Variants in EMC10 observed in about 807,000 individuals in gnomAD.
EMC10 encodes UPF0510 protein INM02.
EMC10 carries 40 observed loss-of-function variants against 32.2 expected under a neutral mutation model. That is an observed-to-expected ratio of 1.24 (90% confidence interval 0.96 to 1.61). EMC10 has a LOEUF of 1.61. EMC10 is among the 40% of genes most tolerant of loss of function. The pLI is 0.00. For synonymous variants in EMC10, 178 were observed against 158.4 expected (o/e 1.12, Z -0.93); for missense variants, 402 against 357.7 (o/e 1.12, Z -1.00).
At position 50,476,592 on chromosome 19, in the gene EMC10, G is replaced by T. The variant is rs757598347; in HGVS notation, c.48G>T (p.Leu16=). 10 of 1,574,050 alleles carry T rather than the reference G, an allele frequency of 6.4e-6. No homozygotes were observed. The Admixed American group carries it at 1.8e-4, about 28-fold the overall frequency. ...AGATRLLLLL[L]MAVAAPSRAR... is the part of the protein sequence containing the mutation. ...CAACCCGGCTGCTCCTGCTCTTGCT[G>T]ATGGCGGTAGCAGCGCCCAGTCGAG... The change falls in exon 1 of 7, where the codon CTG becomes CTT. Residue 16 remains leucine, a synonymous_variant. Coordinates refer to ENST00000334976, the MANE Select transcript of EMC10 (RefSeq NM_206538.4).
chr19:50,481,701 A>G, intron 6 of EMC10: 2 of 620,668 alleles, frequency 3.2e-6, no homozygotes, highest in Non-Finnish European at 2.7e-6. Context: ...CTCCGCCTGG[A>G]TAGTCCAACA....
chr19:50,481,160 G>A (rs545266055), intron 6 of EMC10, 183 bp downstream of exon 6: 109 of 575,012 alleles, frequency 1.9e-4, no homozygotes, highest in African/African-American at 1.9e-3. Flanking sequence ...TGGAAGTGTG[G>A]TCAGGGGAGG....
At position 50,486,144 on chromosome 19, in the gene EMC10, C is replaced by T. The variant is rs181433533; in HGVS notation, c.*3885C>T. On this transcript the variant is annotated 3_prime_UTR_variant, in exon 7 of 7. Transcript: ENST00000334976. The stretch of plus-strand genomic sequence containing the variant: ...TATTTTGTAAAATTCTTTACTAACC[C>T]CAAATTGTCTACTGGAAACTATAGG... The T allele has an allele frequency of 3.9e-5, 6 of 152,218 alleles. No homozygotes were observed. The highest frequency in any genetic ancestry group is 3.9e-4 in the Admixed American group (6 of 15,280). 9.4% of individuals were successfully genotyped at this position (152,218 alleles called of 1,614,324 possible). A position where few individuals can be genotyped will look rare whatever the true frequency, so the allele number is the denominator to read the frequency against.
chr19:50,480,342 C>T lies in EMC10; in HGVS notation c.402+127C>T, dbSNP rs1296406908. On this transcript the variant is annotated intron_variant, in intron 4 of 6. Transcript: ENST00000334976. The surrounding 1 kb of genome is among the most constrained non-coding windows in gnomAD (Gnocchi z 4.4). Reference sequence around the variant, plus strand: ...AGAGGCCTGGGAGACTCAGACCTGGCCTTGCCTTCCGAGGCCTCCTGGTCT... The same window carrying T: ...AGAGGCCTGGGAGACTCAGACCTGGTCTTGCCTTCCGAGGCCTCCTGGTCT... 9.3e-7 allele frequency: 1 copy of T among 1,079,418 alleles called. No individual in the cohort carries two copies. The highest frequency in any genetic ancestry group is 1.6e-5 in the African/African-American group (1 of 63,108). The allele number at this position is 1,079,418 out of a possible 1,614,324, so 66.9% of individuals were successfully genotyped here. A position where few individuals can be genotyped will look rare whatever the true frequency, so the allele number is the denominator to read the frequency against.
chr19:50,481,701 A>T, intron 6 of EMC10: 1 of 620,668 alleles, frequency 1.6e-6, no homozygotes, highest in Non-Finnish European at 2.7e-6. Flanking sequence ...CTCCGCCTGG[A>T]TAGTCCAACA....
chr19:50,485,924 G>A lies in EMC10; in HGVS notation c.*3665G>A, dbSNP rs1221068204. The A allele has an allele frequency of 2.0e-5, 3 of 152,112 alleles. No homozygotes were observed. The highest frequency in any genetic ancestry group is 4.4e-5 in the Non-Finnish European group (3 of 68,058). 9.4% of individuals were successfully genotyped at this position (152,112 alleles called of 1,614,324 possible). ...AGCCTCGTGACTTCTGGTCTAAGAT[G>A]TGAGAGCACCTGGCAAGGTAAATGC... On this transcript the variant is annotated 3_prime_UTR_variant, in exon 7 of 7. Coordinates refer to ENST00000334976, the MANE Select transcript of EMC10 (RefSeq NM_206538.4).
In EMC10 at chr19:50,480,771, C is replaced by T. The variant is rs1203379165; in HGVS notation, c.584+9C>T. The T allele has an allele frequency of 1.3e-6, 2 of 1,578,840 alleles. No homozygotes were observed. Among genetic ancestry groups the T allele is most frequent in the African/African-American group, 1.3e-5 (1 of 74,188 alleles). Reference sequence around the variant, plus strand: ...CCCACCACAGCCCCAGGGTGAGCCTCTGCTGCCTTCGCGGCGCTCTTGCCA... The same window carrying T: ...CCCACCACAGCCCCAGGGTGAGCCTTTGCTGCCTTCGCGGCGCTCTTGCCA... On this transcript the variant is annotated intron_variant, in intron 5 of 6. Coordinates refer to ENST00000334976, the MANE Select transcript of EMC10 (RefSeq NM_206538.4). This position sits in a 1 kb window ranked among gnomAD's most constrained non-coding sequence, Gnocchi z 4.4.
rs1386609803 is a variant in EMC10, at chr19:50,483,072, C to T, written c.*813C>T. On this transcript the variant is annotated 3_prime_UTR_variant, in exon 7 of 7. Coordinates refer to ENST00000334976, the MANE Select transcript of EMC10 (RefSeq NM_206538.4). ...TGGACTGCGGTGCTACGAGGGCCTGCGGGCCTTTGCTGTGTGCCACCCTCC... is the reference window on the plus strand; with the variant it reads ...TGGACTGCGGTGCTACGAGGGCCTGTGGGCCTTTGCTGTGTGCCACCCTCC... 12 of 514,012 alleles carry T rather than the reference C, an allele frequency of 2.3e-5. 1 individual carries two copies. Among genetic ancestry groups the T allele is most frequent in the South Asian group, 1.2e-4 (8 of 65,050 alleles). The allele number at this position is 514,012 out of a possible 1,614,324, so 31.8% of individuals were successfully genotyped here. A position where few individuals can be genotyped will look rare whatever the true frequency, so the allele number is the denominator to read the frequency against.
chr19:50,482,020 G>A (rs1471122344), intron 6 of EMC10, 129 bp from the exon 7 acceptor site: 2 of 1,580,970 alleles, frequency 1.3e-6, no homozygotes, highest in Non-Finnish European at 1.7e-6. Flanking sequence ...TAGGGGACCT[G>A]GGCGCCCTCC....
chr19:50,480,128 T>C lies in EMC10; in HGVS notation c.315T>C (p.Asn105=). 1 of 1,611,714 alleles carries C rather than the reference T, an allele frequency of 6.2e-7. No homozygotes were observed. Among genetic ancestry groups the C allele is most frequent in the Non-Finnish European group, 8.5e-7 (1 of 1,179,322 alleles). Residue 105 remains asparagine, a synonymous_variant, in exon 4 of 7, where the codon AAT becomes AAC. Coordinates refer to ENST00000334976, the MANE Select transcript of EMC10 (RefSeq NM_206538.4). The surrounding 1 kb of genome is among the most constrained non-coding windows in gnomAD (Gnocchi z 4.4). ...ATCCCCAGGATGTGGCAGCCCTGAATGGCCTGTACCGGGTCCGGATCCCAA... is the reference window on the plus strand; with the variant it reads ...ATCCCCAGGATGTGGCAGCCCTGAACGGCCTGTACCGGGTCCGGATCCCAA... ...RGRLRDVAAL[N]GLYRVRIPRR... is the part of the protein sequence containing the mutation.
Position 50,480,474 on chromosome 19 carries a change from A to C in EMC10, c.403-107A>C. The C allele has an allele frequency of 7.5e-7, 1 of 1,325,012 alleles. No homozygotes were observed. The highest frequency in any genetic ancestry group is 1.0e-6 in the Non-Finnish European group (1 of 971,992). The allele number at this position is 1,325,012 out of a possible 1,614,324, so 82.1% of individuals were successfully genotyped here. A position where few individuals can be genotyped will look rare whatever the true frequency, so the allele number is the denominator to read the frequency against. On this transcript the variant is annotated intron_variant, in intron 4 of 6. Transcript: ENST00000334976. This position sits in a 1 kb window ranked among gnomAD's most constrained non-coding sequence, Gnocchi z 4.4. ...CCTGAGGGTAACAGGGAGCCATGGG[A>C]AGGTTTTGAAAAATGCTCCGGGGGT... is the stretch of plus-strand genomic sequence containing the variant.
At position 50,476,586 on chromosome 19, in the gene EMC10, C is replaced by G. The variant is rs1183841347; in HGVS notation, c.42C>G (p.Leu14=). 1 of 1,575,872 alleles carries G rather than the reference C, an allele frequency of 6.3e-7. No homozygotes were observed. The stretch of plus-strand genomic sequence containing the variant: ...CTGGGGCAACCCGGCTGCTCCTGCT[C>G]TTGCTGATGGCGGTAGCAGCGCCCA... ...ASAGATRLLL[L]LLMAVAAPSR... is the part of the protein sequence containing the mutation. Residue 14 remains leucine, a synonymous_variant, in exon 1 of 7, where the codon CTC becomes CTG. Coordinates refer to ENST00000334976, the MANE Select transcript of EMC10 (RefSeq NM_206538.4).
Position 50,480,181 on chromosome 19 carries a change from A to G in EMC10, c.368A>G (p.Glu123Gly), listed in dbSNP as rs373176105. The stretch of plus-strand genomic sequence containing the variant: ...CGACCCGGGGCCCTGGATGGCCTGG[A>G]AGCTGGTGGCTATGTCTCCTCCTTT... The part of the protein sequence containing the change: ...PRRPGALDGL[E>G]AGGYVSSFVP... Residue 123 changes from glutamate to glycine, a missense_variant, in exon 4 of 7, where the codon GAA becomes GGA. Coordinates refer to ENST00000334976, the MANE Select transcript of EMC10 (RefSeq NM_206538.4). This position sits in a 1 kb window ranked among gnomAD's most constrained non-coding sequence, Gnocchi z 4.4. 1 of 1,613,776 alleles carries G rather than the reference A, an allele frequency of 6.2e-7. No individual in the cohort carries two copies. The highest frequency in any genetic ancestry group is 1.3e-5 in the African/African-American group (1 of 74,924).
rs2040332006 is a variant in EMC10, at chr19:50,482,206, G to C, written c.736G>C (p.Gly246Arg). 1.4e-6 allele frequency: 2 copies of C among 1,431,904 alleles called. No homozygotes were observed. Among genetic ancestry groups the C allele is most frequent in the Non-Finnish European group, 9.8e-7 (1 of 1,019,820 alleles). 88.7% of individuals were successfully genotyped at this position (1,431,904 alleles called of 1,614,324 possible). A position where few individuals can be genotyped will look rare whatever the true frequency, so the allele number is the denominator to read the frequency against. Residue 246 changes from glycine (G) to arginine (R), a missense_variant, in exon 7 of 7, where the codon GGG (glycine) becomes CGG (arginine). Gly to Arg is a moderately radical substitution (Grantham distance 125). Coordinates refer to ENST00000334976, the MANE Select transcript of EMC10 (RefSeq NM_206538.4). ...FLMMSGAPDT[G>R]GQGGGGGGGG... is the part of the protein sequence containing the mutation. ...CATGATGTCAGGAGCGCCAGACACCGGGGGCCAGGGTGGGGGTGGGGGTGG... is the reference window on the plus strand; with the variant it reads ...CATGATGTCAGGAGCGCCAGACACCCGGGGCCAGGGTGGGGGTGGGGGTGG...
chr19:50,482,091 T>C, intron 6 of EMC10, 58 bp from the exon 7 acceptor site: 1 of 1,392,756 alleles, frequency 7.2e-7, no homozygotes, highest in Admixed American at 1.7e-5. Context: ...CACACTCACC[T>C]CCTTCCCCTC....
rs1169942966 is a variant in EMC10, at chr19:50,482,222, G to C, written c.752G>C (p.Gly251Ala). The change falls in exon 7 of 7, where the codon GGT (glycine) becomes GCT (alanine). Residue 251 changes from glycine (G) to alanine (A), a missense_variant. Transcript: ENST00000334976. The part of the protein sequence containing the change: ...GAPDTGGQGG[G>A]GGGGGGGGSG... The stretch of plus-strand genomic sequence containing the variant: ...CCAGACACCGGGGGCCAGGGTGGGG[G>C]TGGGGGTGGGGGTGGTGGTGGGGGT... 1.8e-6 allele frequency: 2 copies of C among 1,107,046 alleles called. No homozygotes were observed. The highest frequency in any genetic ancestry group is 5.1e-5 in the East Asian group (2 of 38,902). 68.6% of individuals were successfully genotyped at this position (1,107,046 alleles called of 1,614,324 possible).
rs765481735 is a variant in EMC10, at chr19:50,476,516, CGTCCCTTCGCT to C, written c.-27_-17del. ...TGCTCCGCGGCTCTTGGCTCACAGCCGTCCCTTCGCTGGTGGGAAGAAGCCGAGATGGCGGC... is the reference window on the plus strand; with the variant it reads ...TGCTCCGCGGCTCTTGGCTCACAGCCGGTGGGAAGAAGCCGAGATGGCGGC... On this transcript the variant is annotated 5_prime_UTR_variant, in exon 1 of 7. Coordinates refer to ENST00000334976, the MANE Select transcript of EMC10 (RefSeq NM_206538.4). 56 of 1,569,024 alleles carry C rather than the reference CGTCCCTTCGCT, an allele frequency of 3.6e-5. No individual in the cohort carries two copies. In the Admixed American group the frequency reaches 5.5e-4, roughly 15 times the overall value.
In EMC10 at chr19:50,485,759, C is replaced by T. The variant is rs1278267861; in HGVS notation, c.*3500C>T. ...GACACTAGAGCTGACCTCACTACTC[C>T]CCTGCTCACAGCCCTCCGCGTGGCC... On this transcript the variant is annotated 3_prime_UTR_variant, in exon 7 of 7. Coordinates refer to ENST00000334976, the MANE Select transcript of EMC10 (RefSeq NM_206538.4). 1 of 151,872 alleles carries T rather than the reference C, an allele frequency of 6.6e-6. No individual in the cohort carries two copies. The highest frequency in any genetic ancestry group is 1.5e-5 in the Non-Finnish European group (1 of 68,456). 9.4% of individuals were successfully genotyped at this position (151,872 alleles called of 1,614,324 possible). A position where few individuals can be genotyped will look rare whatever the true frequency, so the allele number is the denominator to read the frequency against.
In EMC10 at chr19:50,483,022, A is replaced by AC; in HGVS notation, c.*769dup. On this transcript the variant is annotated 3_prime_UTR_variant, in exon 7 of 7. Transcript: ENST00000334976. ...CACTGTAAATAGAACCCCCTCCACC[A>AC]CCCCCCGCCGCCCAGCATCCTACCT... 7.4e-6 allele frequency: 4 copies of AC among 542,914 alleles called. No individual in the cohort carries two copies. The highest frequency in any genetic ancestry group is 1.0e-5 in the Non-Finnish European group (3 of 286,692). The allele number at this position is 542,914 out of a possible 1,614,324, so 33.6% of individuals were successfully genotyped here.
Sources: allele counts gnomAD v4.1 joint callset, GRCh38; gene constraint gnomAD v4.1.1; non-coding constraint Gnocchi (gnomAD v3.1); transcripts MANE v1.5; gene names NCBI Gene and HGNC (gene_info 2026-07-23, HGNC 2026-07-21).